The following TENM4 variants were observed in gnomAD, a reference collection of about 807,000 sequenced individuals.
TENM4 encodes teneurin transmembrane protein 4, also known as teneurin-4.
TENM4 carries 82 observed loss-of-function variants against 243.3 expected under a neutral mutation model. That is an observed-to-expected ratio of 0.34 (90% confidence interval 0.28 to 0.40). The LOEUF is 0.40. TENM4 is among the 10% of genes least tolerant of loss of function. The pLI is 1.00. For missense variants in TENM4, 3,138 were observed against 3,673.3 expected (o/e 0.85, Z 3.77); for synonymous variants, 1,412 against 1,456.3 (o/e 0.97, Z 0.69).
chr11:79,300,096 C>A (rs927340865), intron 1 of TENM4, among the ~76,000 whole-genome samples: 1 of 152,216 alleles, frequency 6.6e-6, no homozygotes, highest in Non-Finnish European at 1.5e-5. Context: ...TCCCTCAGGG[C>A]AACACTTCTT....
chr11:78,923,534 T>C (rs1856491665), intron 6 of TENM4, among the ~76,000 whole-genome samples: 1 of 151,794 alleles, frequency 6.6e-6, no homozygotes, highest in Non-Finnish European at 1.5e-5. Flanking sequence ...GTTATTTGTT[T>C]TTATTTTTAT....
intron 6 of TENM4, among the ~76,000 whole-genome samples, chr11:78,926,162 T>A (rs1257992142): frequency 4.6e-5 from 7 of 152,062 alleles, no homozygotes. Context: ...AGTACATGCA[T>A]GTTATTTAGA....
At chr11:79,065,813 G>A (rs1860230265) in intron 5 of TENM4, among the ~76,000 whole-genome samples, 1 of 152,350 alleles carries the variant, frequency 6.6e-6, no homozygotes, top group Non-Finnish European at 1.5e-5. Context: ...TCACCTAGGA[G>A]TAGTACCTGA....
intron 16 of TENM4, among the ~76,000 whole-genome samples, chr11:78,781,955 G>A (rs938356066): frequency 5.9e-5 from 9 of 152,142 alleles, no homozygotes; most frequent in Non-Finnish European, 1.2e-4. Context: ...TTAAACTTGT[G>A]CTCTGATAAC....
In TENM4 at chr11:78,658,016, A is replaced by G. The variant is rs754547245; in HGVS notation, c.*42T>C. The G allele has an allele frequency of 1.5e-5, 25 of 1,614,024 alleles. No homozygotes were observed. The South Asian group carries it at 2.5e-4, about 16-fold the overall frequency. ...CAACACAGTCAGGTATGCGGCCACA[A>G]AAGAGTAGCTGTCTTTGGCAAGAAG... On this transcript the variant is annotated 3_prime_UTR_variant, in exon 34 of 34. Coordinates refer to ENST00000278550, the MANE Select transcript of TENM4 (RefSeq NM_001098816.3).
chr11:79,188,240 A>G (rs1321287616), intron 3 of TENM4, among the ~76,000 whole-genome samples: 2 of 152,234 alleles, frequency 1.3e-5, no homozygotes, highest in Non-Finnish European at 2.9e-5. Context: ...GGGAAACAAG[A>G]AACCGAAGAC....
rs187327617 is a variant in TENM4, at chr11:79,132,400, G to A, written c.-66+16310C>T. 1.3e-4 allele frequency among the ~76,000 whole-genome samples: 19 copies of A among 144,424 alleles called. 1 individual carries two copies. The highest frequency in any genetic ancestry group is 6.1e-5 in the Non-Finnish European group (4 of 65,978). The allele number at this position is 144,424 out of a possible 152,430, so 94.7% of individuals were successfully genotyped here. On this transcript the variant is annotated intron_variant, in intron 4 of 33. Coordinates refer to ENST00000278550, the MANE Select transcript of TENM4 (RefSeq NM_001098816.3). ...AGACAGCAACACAATAATAGTGGGG[G>A]ACTTCAGTACTCCACTGACAGCACT...
At chr11:79,135,555 G>C (rs1321295337) in intron 4 of TENM4, among the ~76,000 whole-genome samples, 1 of 151,892 alleles carries the variant, frequency 6.6e-6, no homozygotes, top group East Asian at 1.9e-4. Context: ...GCACATGCAT[G>C]TTTATAGCAG....
chr11:79,194,068 T>C (rs913082648), intron 3 of TENM4, among the ~76,000 whole-genome samples: 13 of 152,078 alleles, frequency 8.5e-5, no homozygotes, highest in Non-Finnish European at 1.9e-4. Flanking sequence ...GCTATTTTCA[T>C]GACAGTGAAT....
intron 15 of TENM4, among the ~76,000 whole-genome samples, chr11:78,792,292 C>T (rs966050578): frequency 1.3e-5 from 2 of 152,158 alleles, no homozygotes; most frequent in Admixed American, 6.5e-5. Flanking sequence ...CATGCTCTTC[C>T]TCTGGTCACC....
intron 1 of TENM4, among the ~76,000 whole-genome samples, chr11:79,322,721 G>A (rs977986779): frequency 1.3e-5 from 2 of 152,138 alleles, no homozygotes; most frequent in African/African-American, 4.8e-5. Flanking sequence ...TGTAGACCTT[G>A]GTTTCTACTG....
intron 4 of TENM4, among the ~76,000 whole-genome samples, chr11:79,074,453 C>T (rs535004204): frequency 1.1e-4 from 17 of 152,294 alleles, no homozygotes; most frequent in Non-Finnish European, 2.1e-4. Flanking sequence ...CATGCCTAAA[C>T]GTGTTCGCTC....
chr11:79,276,170 C>A (rs898956254), intron 2 of TENM4, among the ~76,000 whole-genome samples: 8 of 152,202 alleles, frequency 5.3e-5, no homozygotes, highest in African/African-American at 1.9e-4. Context: ...GAGACTGGAC[C>A]TCAGGCCACT....
At position 78,657,906 on chromosome 11, in the gene TENM4, TA is replaced by T. The variant is rs1400503137; in HGVS notation, c.*151del. The T allele has an allele frequency of 1.3e-4, 165 of 1,267,586 alleles. No individual in the cohort carries two copies. Among genetic ancestry groups the T allele is most frequent in the Non-Finnish European group, 1.6e-4 (143 of 885,556 alleles). The allele number at this position is 1,267,586 out of a possible 1,614,324, so 78.5% of individuals were successfully genotyped here. ...AGGCCAAATCTGTGTTTTTCTTTTC[TA>T]AAAAAAAGGATGTTGCATGAGTTAC... On this transcript the variant is annotated 3_prime_UTR_variant, in exon 34 of 34. Coordinates refer to ENST00000278550, the MANE Select transcript of TENM4 (RefSeq NM_001098816.3).
intron 3 of TENM4, among the ~76,000 whole-genome samples, chr11:79,198,105 C>T (rs1473096013): frequency 2.0e-5 from 3 of 152,182 alleles, no homozygotes; most frequent in African/African-American, 2.4e-5. Flanking sequence ...GTTTACTCAA[C>T]AAATAAATAG....
chr11:78,930,195 A>G (rs1856638258), intron 6 of TENM4, among the ~76,000 whole-genome samples: 1 of 152,180 alleles, frequency 6.6e-6, no homozygotes, highest in Non-Finnish European at 1.5e-5. Context: ...ACAAGTGCCT[A>G]CTTGCTCTGG....
rs758146071 is a variant in TENM4 at position 78,658,592 on chromosome 11, T to C, written c.7776A>G (p.Arg2592=). The C allele has an allele frequency of 1.9e-6, 3 of 1,613,980 alleles. No individual in the cohort carries two copies. In the South Asian group the frequency reaches 3.3e-5, roughly 18 times the overall value. The part of the protein sequence containing the change: ...DIISVANEDG[R]RVAAILNHAH... The stretch of plus-strand genomic sequence containing the variant: ...CATGGTTCAAGATGGCAGCAACCCT[T>C]CGCCCATCCTCATTGGCCACACTGA... The change falls in exon 34 of 34, where the codon CGA becomes CGG. Residue 2592 remains arginine, a synonymous_variant. Coordinates refer to ENST00000278550, the MANE Select transcript of TENM4 (RefSeq NM_001098816.3).
chr11:79,435,411 C>T (rs1859250405), intron 1 of TENM4, among the ~76,000 whole-genome samples: 1 of 152,026 alleles, frequency 6.6e-6, no homozygotes, highest in South Asian at 2.1e-4. Context: ...CAGTGCAAAG[C>T]AAAGATGGAG....
intron 12 of TENM4, among the ~76,000 whole-genome samples, chr11:78,846,121 A>G (rs577879101): frequency 7.2e-4 from 109 of 152,326 alleles, no homozygotes; most frequent in African/African-American, 2.5e-3. Context: ...TGTAAGAGTA[A>G]GAATGTGTGT....
Sources: allele counts gnomAD v4.1 joint callset (sites outside exome capture counted in the v4.1 genomes callset), GRCh38; gene constraint gnomAD v4.1.1; transcripts MANE v1.5; gene names NCBI Gene and HGNC (gene_info 2026-07-23, HGNC 2026-07-21).